The following PLEKHM2 variants were observed in gnomAD, a reference collection of about 807,000 sequenced individuals.
PLEKHM2 encodes pleckstrin homology domain-containing family M member 2.
In PLEKHM2, 77 loss-of-function variants were observed where a neutral mutation model predicts 116.3. The observed-to-expected ratio is 0.66, with a 90% CI of 0.55 to 0.80. The LOEUF (loss-of-function observed/expected upper bound fraction) is 0.80. PLEKHM2 is among the 30% of genes least tolerant of loss of function. The pLI is 0.00. For synonymous variants in PLEKHM2, 562 were observed against 571.0 expected (o/e 0.98, Z 0.22); for missense variants, 1,183 against 1,354.9 (o/e 0.87, Z 1.99).
chr1:15,699,719 T>C (rs887940592), intron 1 of PLEKHM2, among the ~76,000 whole-genome samples: 1 of 151,960 alleles, frequency 6.6e-6, no homozygotes, highest in Non-Finnish European at 1.5e-5. Flanking sequence ...GGGCCGGGTA[T>C]GATGATAAGG....
At chr1:15,708,587 CA>C (rs1188357622) in intron 1 of PLEKHM2, among the ~76,000 whole-genome samples, 1 of 152,080 alleles carries the variant, frequency 6.6e-6, no homozygotes, top group Non-Finnish European at 1.5e-5. Flanking sequence ...TCTAACTTTA[CA>C]AAAAAGTTTT....
chr1:15,702,781 T>C (rs1641142277), intron 1 of PLEKHM2, among the ~76,000 whole-genome samples: 1 of 133,938 alleles, frequency 7.5e-6, no homozygotes, highest in Non-Finnish European at 1.5e-5. Flanking sequence ...AGTACAGAGG[T>C]GTGATCATGG....
Position 15,727,776 on chromosome 1 carries a change from T to C in PLEKHM2, c.1704T>C (p.Ser568=). 1 of 1,604,996 alleles carries C rather than the reference T, an allele frequency of 6.2e-7. No homozygotes were observed. The highest frequency in any genetic ancestry group is 8.5e-7 in the Non-Finnish European group (1 of 1,176,586). ...CGTGTCTGAGTAGCGCTGAGGATTC[T>C]GGGGTGGATGAGGGACAGGGGAGCC... is the stretch of plus-strand genomic sequence containing the variant. ...PSPCLSSAED[S]GVDEGQGSPS... is the part of the protein sequence containing the mutation. Residue 568 remains serine (S), a synonymous_variant, in exon 9 of 20, where the codon TCT becomes TCC. Transcript: ENST00000375799. The surrounding 1 kb of genome is among the most constrained non-coding windows in gnomAD (Gnocchi z 7.5).
intron 17 of PLEKHM2, 112 bp downstream of exon 17, chr1:15,732,160 TC>T: frequency 9.1e-7 from 1 of 1,095,142 alleles, no homozygotes; most frequent in South Asian, 1.5e-5. Flanking sequence ...AAGACGGACC[TC>T]CAGGGGGCAG....
intron 4 of PLEKHM2, 97 bp downstream of exon 4, chr1:15,718,089 T>G (rs936138289): frequency 3.1e-4 from 245 of 780,228 alleles, no homozygotes; most frequent in Middle Eastern, 6.8e-4. Flanking sequence ...GTGTGCCACA[T>G]CAGTGATGCC....
rs34723747 is a variant in PLEKHM2, at chr1:15,719,444, C to CT, written c.466-289dup. The stretch of plus-strand genomic sequence containing the variant: ...CCAGCCAGGGCAACAGAGTGAGACT[C>CT]TGTCTCAAAAAAAAAAATAAATAAA... On this transcript the variant is annotated intron_variant, in intron 5 of 19. Coordinates refer to ENST00000375799, the MANE Select transcript of PLEKHM2 (RefSeq NM_015164.4). The surrounding 1 kb of genome is among the most constrained non-coding windows in gnomAD (Gnocchi z 4.1). Among the ~76,000 whole-genome samples, 53,815 of 150,938 alleles carry CT rather than the reference C, an allele frequency of 0.36. 12,234 individuals are homozygous for CT. The highest frequency in any genetic ancestry group is 0.65 in the African/African-American group (26,508 of 40,970).
intron 1 of PLEKHM2, among the ~76,000 whole-genome samples, chr1:15,702,502 G>A (rs1012996807): frequency 1.1e-4 from 17 of 151,726 alleles, no homozygotes; most frequent in South Asian, 2.1e-4. Context: ...TGTAACCTCC[G>A]CCTCCCAGGT....
chr1:15,685,831 G>C (rs1640759809), intron 1 of PLEKHM2, among the ~76,000 whole-genome samples: 1 of 152,318 alleles, frequency 6.6e-6, no homozygotes. Flanking sequence ...ACATTGCAGA[G>C]ATCCAACAAG....
Position 15,725,508 on chromosome 1 carries a change from G to T in PLEKHM2, c.904G>T (p.Asp302Tyr). ...GGAGAAGGAGGAGGCCCAGGCCCTG[G>T]ACCCGCCGGATGCCTGCACGGAGCT... ...SQEKEEAQAL[D>Y]PPDACTELEV... The change falls in exon 8 of 20, where the codon GAC (aspartate) becomes TAC (tyrosine). Residue 302 changes from aspartate (D) to tyrosine (Y), a missense_variant. Coordinates refer to ENST00000375799, the MANE Select transcript of PLEKHM2 (RefSeq NM_015164.4). The T allele has an allele frequency of 6.3e-7, 1 of 1,576,162 alleles. No individual in the cohort carries two copies. The highest frequency in any genetic ancestry group is 1.4e-5 in the African/African-American group (1 of 73,890).
chr1:15,696,280 T>C (rs774731993), intron 1 of PLEKHM2, among the ~76,000 whole-genome samples: 2 of 152,214 alleles, frequency 1.3e-5, no homozygotes, highest in African/African-American at 2.4e-5. Context: ...AAGTAACAGA[T>C]AACACGTCCC....
At chr1:15,732,133 A>G in intron 17 of PLEKHM2, 85 bp downstream of exon 17, 1 of 1,344,458 alleles carries the variant, frequency 7.4e-7, no homozygotes, top group Non-Finnish European at 1.0e-6. Context: ...CCATAGTCAC[A>G]GAGCAACCTG....
At chr1:15,720,137 TA>T (rs2067971490) in intron 6 of PLEKHM2, among the ~76,000 whole-genome samples, 1 of 147,318 alleles carries the variant, frequency 6.8e-6, no homozygotes, top group South Asian at 2.1e-4. Flanking sequence ...ATTATATATA[TA>T]TATATATATA....
chr1:15,690,921 G>C (rs1328958918), intron 1 of PLEKHM2, among the ~76,000 whole-genome samples: 1 of 152,188 alleles, frequency 6.6e-6, no homozygotes, highest in East Asian at 1.9e-4. Context: ...TTCAGATCAT[G>C]GTAAGCATTA....
At chr1:15,731,812 C>G (rs870918) in intron 16 of PLEKHM2, 77 bp from the exon 17 acceptor site, 162 of 1,327,638 alleles carry the variant, frequency 1.2e-4, no homozygotes, top group Non-Finnish European at 1.7e-4. Context: ...CCGCACACCC[C>G]GCACCAACCC....
rs1036963191 is a variant in PLEKHM2 at position 15,719,013 on chromosome 1, C to T, written c.465+388C>T. Reference sequence around the variant, plus strand: ...TGTCATCAGCTCCATGAAGAGCCTTCAGCCACCCTCTTCAAGTTCTCAAGT... The same window carrying T: ...TGTCATCAGCTCCATGAAGAGCCTTTAGCCACCCTCTTCAAGTTCTCAAGT... On this transcript the variant is annotated intron_variant, in intron 5 of 19. Coordinates refer to ENST00000375799, the MANE Select transcript of PLEKHM2 (RefSeq NM_015164.4). This position sits in a 1 kb window ranked among gnomAD's most constrained non-coding sequence, Gnocchi z 4.1. 6.6e-6 allele frequency among the ~76,000 whole-genome samples: 1 copy of T among 152,156 alleles called. No individual in the cohort carries two copies. Among genetic ancestry groups the T allele is most frequent in the Admixed American group, 6.6e-5 (1 of 15,264 alleles).
chr1:15,724,266 C>T (rs555215509), intron 7 of PLEKHM2, among the ~76,000 whole-genome samples: 6 of 152,234 alleles, frequency 3.9e-5, no homozygotes, highest in Admixed American at 2.0e-4. Context: ...GGGCAGATCA[C>T]GAGGTCAGGA....
At chr1:15,701,663 C>T (rs973636801) in intron 1 of PLEKHM2, among the ~76,000 whole-genome samples, 3 of 149,592 alleles carry the variant, frequency 2.0e-5, no homozygotes, top group Non-Finnish European at 3.0e-5. Context: ...TGGTGGCGGG[C>T]GCCTGTAGTC....
rs1010693663 is a variant in PLEKHM2 at position 15,732,106 on chromosome 1, G to C, written c.2625+58G>C. On this transcript the variant is annotated intron_variant, in intron 17 of 19. Transcript: ENST00000375799. ...CTTGCCTGACCCACCCAGACCCCCA[G>C]GGTCCCATCCCTAAACCCATAGTCA... The C allele has an allele frequency of 3.3e-6, 5 of 1,516,132 alleles. No homozygotes were observed. In the African/African-American group the frequency reaches 7.2e-5, roughly 22 times the overall value. The allele number at this position is 1,516,132 out of a possible 1,614,324, so 93.9% of individuals were successfully genotyped here. A position where few individuals can be genotyped will look rare whatever the true frequency, so the allele number is the denominator to read the frequency against.
intron 1 of PLEKHM2, among the ~76,000 whole-genome samples, chr1:15,699,987 T>A (rs1641077397): frequency 7.2e-6 from 1 of 138,982 alleles, no homozygotes; most frequent in African/African-American, 3.1e-5. Flanking sequence ...TGAGCCCCCA[T>A]CTCAAAAAAA....
Sources: allele counts gnomAD v4.1 joint callset (sites outside exome capture counted in the v4.1 genomes callset), GRCh38; gene constraint gnomAD v4.1.1; non-coding constraint Gnocchi (gnomAD v3.1); transcripts MANE v1.5; gene names NCBI Gene and HGNC (gene_info 2026-07-23, HGNC 2026-07-21).